RAP1GAP2: variants seen among roughly 807,000 people sequenced by gnomAD.
RAP1GAP2 encodes the protein rap1 GTPase-activating protein 2.
In RAP1GAP2, 27 loss-of-function variants were observed where a neutral mutation model predicts 95.0. That is an observed-to-expected ratio of 0.28 (90% CI 0.21 to 0.39). The LOEUF is 0.39. RAP1GAP2 is among the 10% of genes least tolerant of loss of function. The pLI is 1.00. For missense variants in RAP1GAP2, 771 were observed against 970.0 expected (o/e 0.79, Z 2.72); for synonymous variants, 373 against 380.9 (o/e 0.98, Z 0.24).
Position 2,844,749 on chromosome 17 carries a change from T to C in RAP1GAP2, c.80+44199T>C, listed in dbSNP as rs1352184268. 1.1e-4 allele frequency among the ~76,000 whole-genome samples: 16 copies of C among 152,162 alleles called. No homozygotes were observed. In the East Asian group the frequency reaches 3.1e-3, roughly 29 times the overall value. On this transcript the variant is annotated intron_variant, in intron 2 of 24. Coordinates refer to ENST00000254695, the MANE Select transcript of RAP1GAP2 (RefSeq NM_015085.5). ...CCTTCTGTCACGAAGGAAACTGTCG[T>C]TGGCTAAGCCAAGCCGGAAAGTCTT...
At chr17:2,801,837 C>T (rs2069314285) in intron 2 of RAP1GAP2, among the ~76,000 whole-genome samples, 1 of 152,150 alleles carries the variant, frequency 6.6e-6, no homozygotes, top group Non-Finnish European at 1.5e-5. Flanking sequence ...CCTCTGACCT[C>T]TCTTCCCTCA....
intron 3 of RAP1GAP2, among the ~76,000 whole-genome samples, chr17:2,951,498 C>A (rs1316816216): frequency 1.3e-5 from 2 of 152,108 alleles, no homozygotes; most frequent in African/African-American, 4.8e-5. Context: ...GCGGGAGGAT[C>A]GCTTGAGCTC....
chr17:2,898,558 G>C (rs182790082), intron 2 of RAP1GAP2, among the ~76,000 whole-genome samples: 1 of 152,130 alleles, frequency 6.6e-6, no homozygotes, highest in Non-Finnish European at 1.5e-5. Context: ...GCATATACCC[G>C]GGGCCTGGCG....
At chr17:2,993,536 G>A (rs1026476993) in intron 12 of RAP1GAP2, among the ~76,000 whole-genome samples, 17 of 151,242 alleles carry the variant, frequency 1.1e-4, no homozygotes, top group African/African-American at 4.1e-4. Flanking sequence ...TTGTGCCATT[G>A]TACTCCAGCC....
Position 2,957,855 on chromosome 17 carries a change from G to A in RAP1GAP2, c.201+61G>A. 2.0e-6 allele frequency: 3 copies of A among 1,491,664 alleles called. No individual in the cohort carries two copies. The South Asian group carries it at 3.8e-5, about 19-fold the overall frequency. 92.4% of individuals were successfully genotyped at this position (1,491,664 alleles called of 1,614,324 possible). A position where few individuals can be genotyped will look rare whatever the true frequency, so the allele number is the denominator to read the frequency against. Reference sequence around the variant, plus strand: ...CCAGCCCCAGATGTGGGTGGCATAGGGACCAGGCAGAACCCACGGGCAGAA... The same window carrying A: ...CCAGCCCCAGATGTGGGTGGCATAGAGACCAGGCAGAACCCACGGGCAGAA... On this transcript the variant is annotated intron_variant, in intron 4 of 24. Coordinates refer to ENST00000254695, the MANE Select transcript of RAP1GAP2 (RefSeq NM_015085.5).
intron 2 of RAP1GAP2, among the ~76,000 whole-genome samples, chr17:2,804,519 T>C (rs1170888676): frequency 1.3e-5 from 2 of 152,218 alleles, no homozygotes; most frequent in Non-Finnish European, 2.9e-5. Context: ...CCCGCCCTAC[T>C]TTCCCATATT....
intron 17 of RAP1GAP2, among the ~76,000 whole-genome samples, chr17:3,011,240 C>CT (rs2046530786): frequency 6.6e-6 from 1 of 152,022 alleles, no homozygotes; most frequent in Non-Finnish European, 1.5e-5. Flanking sequence ...TTGTGACCAG[C>CT]TTTTTTCCCT....
At chr17:2,833,974 G>A (rs1443117315) in intron 2 of RAP1GAP2, among the ~76,000 whole-genome samples, 2 of 152,096 alleles carry the variant, frequency 1.3e-5, no homozygotes, top group African/African-American at 4.8e-5. Context: ...GCTGTGTCCT[G>A]CGTGCTGTAC....
intron 17 of RAP1GAP2, among the ~76,000 whole-genome samples, chr17:3,012,886 T>C (rs1049704151): frequency 6.6e-6 from 1 of 152,164 alleles, no homozygotes; most frequent in African/African-American, 2.4e-5. Flanking sequence ...GAGGTTGTTA[T>C]TGGTCCGTAA....
At chr17:2,997,425 T>C (rs1387060183) in intron 13 of RAP1GAP2, among the ~76,000 whole-genome samples, 1 of 152,150 alleles carries the variant, frequency 6.6e-6, no homozygotes. Context: ...GGTGGCTTTG[T>C]TAGTTTTCTC....
At chr17:2,860,713 C>T (rs762759999) in intron 2 of RAP1GAP2, among the ~76,000 whole-genome samples, 12 of 147,924 alleles carry the variant, frequency 8.1e-5, no homozygotes, top group Non-Finnish European at 7.4e-5. Flanking sequence ...AAGCGATTCT[C>T]CTGCCTCAGT....
chr17:2,875,716 C>T (rs958605876), intron 2 of RAP1GAP2, among the ~76,000 whole-genome samples: 17 of 152,056 alleles, frequency 1.1e-4, no homozygotes, highest in Non-Finnish European at 1.9e-4. Flanking sequence ...CCCTCCGTCT[C>T]GCCGCCTGTC....
intron 3 of RAP1GAP2, among the ~76,000 whole-genome samples, chr17:2,933,142 G>A (rs1386688080): frequency 4.6e-5 from 7 of 152,254 alleles, no homozygotes; most frequent in Non-Finnish European, 2.9e-5. Context: ...AGAAGGGCGA[G>A]TGGAAGGAAA....
chr17:2,819,415 A>G (rs1174952392), intron 2 of RAP1GAP2, among the ~76,000 whole-genome samples: 2 of 150,848 alleles, frequency 1.3e-5, no homozygotes, highest in Non-Finnish European at 2.9e-5. Flanking sequence ...TCCTGGGTAC[A>G]AGTGATTCTC....
In RAP1GAP2 at chr17:3,027,967, C is replaced by T. The variant is rs1270023571; in HGVS notation, c.2107+897C>T. The stretch of plus-strand genomic sequence containing the variant: ...GGGGGGCCAGCACCTGAGGGCCGTT[C>T]AGGTAGACCTGTGCGGTGGGCACTG... On this transcript the variant is annotated intron_variant, in intron 22 of 24. Transcript: ENST00000254695. The surrounding 1 kb of genome is among the most constrained non-coding windows in gnomAD (Gnocchi z 5.2). 1.3e-5 allele frequency among the ~76,000 whole-genome samples: 2 copies of T among 152,094 alleles called. No individual in the cohort carries two copies. Among genetic ancestry groups the T allele is most frequent in the South Asian group, 4.1e-4 (2 of 4,832 alleles).
chr17:2,766,254 T>C (rs1597269239), intron 1 of RAP1GAP2, among the ~76,000 whole-genome samples: 1 of 152,288 alleles, frequency 6.6e-6, no homozygotes, highest in South Asian at 2.1e-4. Flanking sequence ...ACTGAATGTT[T>C]GTGTCCCCGG....
intron 3 of RAP1GAP2, among the ~76,000 whole-genome samples, chr17:2,912,850 G>A (rs2042435465): frequency 6.6e-6 from 1 of 152,164 alleles, no homozygotes; most frequent in South Asian, 2.1e-4. Flanking sequence ...TTTGGCTACT[G>A]AGGGTGAGGA....
rs779319765 is a variant in RAP1GAP2, at chr17:2,816,168, G to A, written c.80+15618G>A. ...GCTGGAAGAGGCCCGAGCCGGCTCC[G>A]GGGGCATCCTGCCTGCTAAGGTCCT... On this transcript the variant is annotated intron_variant, in intron 2 of 24. Transcript: ENST00000254695. Among the ~76,000 whole-genome samples the A allele has an allele frequency of 5.2e-4, 79 of 151,940 alleles. 1 individual carries two copies. The highest frequency in any genetic ancestry group is 1.8e-3 in the African/African-American group (73 of 41,334).
intron 2 of RAP1GAP2, among the ~76,000 whole-genome samples, chr17:2,828,911 C>T (rs1484339093): frequency 1.3e-5 from 2 of 151,654 alleles, no homozygotes; most frequent in East Asian, 1.9e-4. Context: ...CTTTTTGCTC[C>T]CTTGGTCTCT....
Sources: allele counts gnomAD v4.1 joint callset (sites outside exome capture counted in the v4.1 genomes callset), GRCh38; gene constraint gnomAD v4.1.1; non-coding constraint Gnocchi (gnomAD v3.1); transcripts MANE v1.5; gene names NCBI Gene and HGNC (gene_info 2026-07-23, HGNC 2026-07-21).